Variants in GPC3 observed in about 807,000 individuals in gnomAD.
The protein encoded by GPC3 is glypican-3.
Under a neutral mutation model 34.4 loss-of-function variants are expected in GPC3, and 3 were observed. The observed-to-expected ratio is 0.09, with a 90% CI of 0.04 to 0.23. The LOEUF (loss-of-function observed/expected upper bound fraction) is 0.23. Among genes scored for constraint, GPC3 ranks in the 10% least tolerant of loss-of-function variants. The probability of loss-of-function intolerance (pLI) is 1.00; values close to 1 mark genes in which losing one functional copy is unlikely to be tolerated. For missense variants in GPC3, 351 were observed against 445.6 expected, an observed-to-expected ratio of 0.79 and a Z score of 1.91; for synonymous variants, 177 against 174.0, an observed-to-expected ratio of 1.02 and a Z score of -0.13.
chrX:133,903,215 T>C (rs931165378), intron 2 of GPC3, among the ~76,000 whole-genome samples: 2 of 111,470 alleles, frequency 1.8e-5, no homozygotes, highest in Non-Finnish European at 3.8e-5. Flanking sequence ...ACCATTCCCC[T>C]ATGTTCAGAC....
At chrX:133,748,828 T>C (rs2071633104) in intron 3 of GPC3, among the ~76,000 whole-genome samples, 1 of 111,903 alleles carries the variant, frequency 8.9e-6, no homozygotes, top group Admixed American at 9.5e-5. Context: ...GAATTCAAGG[T>C]CCTAGCTTTG....
intron 2 of GPC3, among the ~76,000 whole-genome samples, chrX:133,937,396 G>A (rs994434421): frequency 1.8e-5 from 2 of 111,374 alleles, no homozygotes; most frequent in African/African-American, 6.5e-5. Flanking sequence ...TAGATTTGAG[G>A]CAGACTCTGA....
At chrX:133,951,408 C>T (rs2076392752) in intron 2 of GPC3, among the ~76,000 whole-genome samples, 1 of 110,671 alleles carries the variant, frequency 9.0e-6, no homozygotes, top group Non-Finnish European at 1.9e-5. Context: ...TCTACCACTC[C>T]CCTCCAACCA....
At chrX:133,768,264 C>A (rs983883972) in intron 2 of GPC3, among the ~76,000 whole-genome samples, 2 of 111,760 alleles carry the variant, frequency 1.8e-5, no homozygotes, top group African/African-American at 6.5e-5. Context: ...AGAATTCACT[C>A]TCCAGGAAGA....
rs143462298 is a variant in GPC3 at position 133,677,215 on chromosome X, G to A, written c.1292+15154C>T. 2.8e-4 allele frequency among the ~76,000 whole-genome samples: 31 copies of A among 111,707 alleles called. 1 individual carries two copies. In the East Asian group the frequency reaches 7.6e-3, roughly 27 times the overall value. On this transcript the variant is annotated intron_variant, in intron 5 of 7. Coordinates refer to ENST00000370818, the MANE Select transcript of GPC3 (RefSeq NM_004484.4). ...CAGCCAACCTACCTGCTCCCCTGTA[G>A]CTCCAATAATACCTGGAGGAGTAAA...
intron 2 of GPC3, among the ~76,000 whole-genome samples, chrX:133,897,205 CTTTTTTTTTTT>C (rs760491025): frequency 1.2e-5 from 1 of 82,652 alleles, no homozygotes; most frequent in African/African-American, 5.1e-5. Context: ...CGTGCCCGGC[CTTTTTTTTTTT>C]TTTTTTTTTT....
chrX:133,941,212 A>C (rs894602699), intron 2 of GPC3, among the ~76,000 whole-genome samples: 1 of 112,233 alleles, frequency 8.9e-6, no homozygotes, highest in Admixed American at 9.5e-5. Context: ...CACACATACT[A>C]CATCAAAGAA....
chrX:133,644,074 C>G (rs763607661), intron 6 of GPC3, among the ~76,000 whole-genome samples: 2 of 110,636 alleles, frequency 1.8e-5, no homozygotes, highest in African/African-American at 6.6e-5. Flanking sequence ...GATCTGCCCG[C>G]CTCAGCCTCC....
At chrX:133,858,024 T>A (rs1317134167) in intron 2 of GPC3, among the ~76,000 whole-genome samples, 1 of 111,379 alleles carries the variant, frequency 9.0e-6, no homozygotes, top group African/African-American at 3.3e-5. Flanking sequence ...AAGTGGGAGA[T>A]CAGGTTGTGA....
intron 2 of GPC3, among the ~76,000 whole-genome samples, chrX:133,913,942 G>A (rs1320085859): frequency 1.8e-5 from 2 of 108,965 alleles, no homozygotes; most frequent in African/African-American, 6.7e-5. Context: ...AAAAAAGCTT[G>A]CCTATTAACT....
chrX:133,783,525 C>T (rs2072071129), intron 2 of GPC3, among the ~76,000 whole-genome samples: 2 of 112,174 alleles, frequency 1.8e-5, no homozygotes, highest in Non-Finnish European at 3.8e-5. Flanking sequence ...GGCTTTTGAA[C>T]AGGAAGACAC....
At chrX:133,734,865 A>G (rs1200973473) in intron 3 of GPC3, among the ~76,000 whole-genome samples, 1 of 111,916 alleles carries the variant, frequency 8.9e-6, no homozygotes, top group South Asian at 3.7e-4. Flanking sequence ...AAATTAAGAA[A>G]ACAATTCCAT....
intron 2 of GPC3, among the ~76,000 whole-genome samples, chrX:133,827,827 C>T (rs2075755648): frequency 9.4e-6 from 1 of 105,911 alleles, no homozygotes; most frequent in Non-Finnish European, 1.9e-5. Flanking sequence ...TACCTGTAAC[C>T]CCAGCTACTC....
At chrX:133,814,259 C>T (rs1218053664) in intron 2 of GPC3, among the ~76,000 whole-genome samples, 2 of 111,181 alleles carry the variant, frequency 1.8e-5, no homozygotes, top group African/African-American at 3.3e-5. Flanking sequence ...GATTTTCAAC[C>T]CACATCCCCC....
intron 5 of GPC3, among the ~76,000 whole-genome samples, chrX:133,667,656 G>A (rs1255679353): frequency 9.1e-6 from 1 of 109,992 alleles, no homozygotes; most frequent in Non-Finnish European, 1.9e-5. Flanking sequence ...TTTGAGACCC[G>A]CCTGGGCAAC....
At chrX:133,810,556 T>A (rs1256773235) in intron 2 of GPC3, among the ~76,000 whole-genome samples, 1 of 111,128 alleles carries the variant, frequency 9.0e-6, no homozygotes, top group Non-Finnish European at 1.9e-5. Flanking sequence ...ACGAAGTGAG[T>A]CCACGCTATA....
chrX:133,675,331 T>G (rs2070872667), intron 5 of GPC3, among the ~76,000 whole-genome samples: 1 of 111,274 alleles, frequency 9.0e-6, no homozygotes, highest in African/African-American at 3.3e-5. Flanking sequence ...GGCAGGAAGG[T>G]GTTAGTTTAA....
chrX:133,824,541 G>A lies in GPC3; in HGVS notation c.338-70365C>T, dbSNP rs1199917813. Among the ~76,000 whole-genome samples the A allele has an allele frequency of 5.4e-5, 6 of 111,288 alleles. No individual in the cohort carries two copies. In the Admixed American group the frequency reaches 5.7e-4, roughly 11 times the overall value. On this transcript the variant is annotated intron_variant, in intron 2 of 7. Transcript: ENST00000370818. Reference sequence around the variant, plus strand: ...TTCTATTGCATAGTAGGATGATGATGGTTAACAGTAAGATATGGTATATTA... The same window carrying A: ...TTCTATTGCATAGTAGGATGATGATAGTTAACAGTAAGATATGGTATATTA...
chrX:133,844,621 AG>A (rs1170548362), intron 2 of GPC3, among the ~76,000 whole-genome samples: 1 of 111,767 alleles, frequency 8.9e-6, no homozygotes, highest in African/African-American at 3.3e-5. Context: ...AAAAAGAAGA[AG>A]GGTAAAGAAA....
Sources: gnomAD v4.1 joint callset for allele counts (sites outside exome capture counted in the v4.1 genomes callset) on GRCh38, gnomAD v4.1.1 for gene constraint, MANE v1.5 for transcripts, NCBI Gene and HGNC (gene_info 2026-07-23, HGNC 2026-07-21) for gene names.